Variants in XRCC4 observed in about 807,000 individuals in gnomAD.
XRCC4 encodes DNA repair protein XRCC4.
XRCC4 carries 28 observed loss-of-function variants against 39.1 expected under a neutral mutation model. That is an observed-to-expected ratio of 0.72 (90% CI 0.53 to 0.98). The LOEUF (loss-of-function observed/expected upper bound fraction) is 0.98, where lower values mean the gene tolerates loss of function less well. Ranked by LOEUF, XRCC4 falls within the 50% of genes least tolerant of loss-of-function variation. XRCC4 has a pLI of 0.00. For missense variants in XRCC4, 350 were observed against 376.4 expected, an observed-to-expected ratio of 0.93 and a Z score of 0.58; for synonymous variants, 123 against 126.4, an observed-to-expected ratio of 0.97 and a Z score of 0.18.
At chr5:83,357,297 T>C (rs1057236127), downstream of XRCC4, among the ~76,000 whole-genome samples, 1 of 152,132 alleles carries the variant, frequency 6.6e-6, no homozygotes. Context: ...ATGGAGTATA[T>C]GGGAGGGGAT....
chr5:83,125,481 C>A (rs1444843301), intron 3 of XRCC4, among the ~76,000 whole-genome samples: 3 of 152,188 alleles, frequency 2.0e-5, no homozygotes, highest in Non-Finnish European at 4.4e-5. Context: ...TTGAGGTTCA[C>A]TTTCTTGGCT....
At chr5:83,321,253 A>T (rs1342400916) in intron 7 of XRCC4, among the ~76,000 whole-genome samples, 1 of 152,214 alleles carries the variant, frequency 6.6e-6, no homozygotes, top group Non-Finnish European at 1.5e-5. Context: ...CCAAACTGGC[A>T]ATGTATGCAA....
Position 83,184,541 on chromosome 5 carries a change from C to T in XRCC4, c.316-11229C>T, listed in dbSNP as rs947112822. On this transcript the variant is annotated intron_variant, in intron 3 of 7. Transcript: ENST00000396027. ...TTTTTTTGGAGAATGTTATGAGAGA[C>T]CTAATTGTTCCTAAACAGGGAAAAC... is the stretch of plus-strand genomic sequence containing the variant. 8.6e-5 allele frequency among the ~76,000 whole-genome samples: 13 copies of T among 151,864 alleles called. No homozygotes were observed. In the South Asian group the frequency reaches 2.7e-3, roughly 32 times the overall value.
chr5:83,202,030 G>GA (rs1375605283), intron 4 of XRCC4: 2 of 124,832 alleles, frequency 1.6e-5, no homozygotes, highest in African/African-American at 6.1e-5. Context: ...CAACAACAGC[G>GA]AAAGTCTGTC....
chr5:83,153,358 A>G (rs1371241744), intron 3 of XRCC4, among the ~76,000 whole-genome samples: 4 of 151,962 alleles, frequency 2.6e-5, no homozygotes, highest in African/African-American at 9.7e-5. Context: ...ACAGGTGCCC[A>G]CCACAATGCC....
chr5:83,160,754 G>T (rs1005469373), intron 3 of XRCC4, among the ~76,000 whole-genome samples: 1 of 152,034 alleles, frequency 6.6e-6, no homozygotes, highest in Non-Finnish European at 1.5e-5. Context: ...TCTTTTGGTT[G>T]TTTGTAGACA....
At chr5:83,079,618 T>A (rs1744842589) in intron 1 of XRCC4, among the ~76,000 whole-genome samples, 1 of 152,092 alleles carries the variant, frequency 6.6e-6, no homozygotes, top group African/African-American at 2.4e-5. Context: ...AGCCTCAACC[T>A]CCAGGGCAGA....
intron 7 of XRCC4, among the ~76,000 whole-genome samples, chr5:83,282,843 AAAAAT>A (rs569310617): frequency 7.8e-4 from 119 of 152,186 alleles, no homozygotes; most frequent in African/African-American, 2.7e-3. Flanking sequence ...CTCCATCTCA[AAAAAT>A]AAAATAAAAT....
At chr5:83,131,157 C>G (rs1747556902) in intron 3 of XRCC4, among the ~76,000 whole-genome samples, 1 of 152,172 alleles carries the variant, frequency 6.6e-6, no homozygotes, top group African/African-American at 2.4e-5. Context: ...CCCAGAGATT[C>G]TGGTATGTTG....
intron 1 of XRCC4, among the ~76,000 whole-genome samples, chr5:83,085,830 T>C (rs924509057): frequency 6.6e-6 from 1 of 152,232 alleles, no homozygotes; most frequent in Non-Finnish European, 1.5e-5. Context: ...TGTCATTATC[T>C]GACAAGCATG....
At chr5:83,094,048 C>T (rs181147924) in intron 1 of XRCC4, among the ~76,000 whole-genome samples, 2 of 152,102 alleles carry the variant, frequency 1.3e-5, no homozygotes, top group Non-Finnish European at 1.5e-5. Flanking sequence ...TTTTCTTTCT[C>T]TTTAATTTTT....
chr5:83,240,026 T>C (rs1013030920), intron 6 of XRCC4, among the ~76,000 whole-genome samples: 1 of 151,536 alleles, frequency 6.6e-6, no homozygotes, highest in African/African-American at 2.4e-5. Flanking sequence ...AAAAACACTT[T>C]ACCTGAATGT....
chr5:83,323,185 A>C (rs2112138903), intron 7 of XRCC4, among the ~76,000 whole-genome samples: 1 of 152,224 alleles, frequency 6.6e-6, no homozygotes. Flanking sequence ...AACCAAAAAA[A>C]TATGGTGAGT....
At chr5:83,116,321 C>T (rs796501503) in intron 3 of XRCC4, among the ~76,000 whole-genome samples, 22 of 152,146 alleles carry the variant, frequency 1.4e-4, no homozygotes, top group South Asian at 1.0e-3. Context: ...GTTGCTCCTC[C>T]GTGACAAAGA....
At chr5:83,101,385 A>G (rs549828338) in intron 1 of XRCC4, among the ~76,000 whole-genome samples, 83 of 152,252 alleles carry the variant, frequency 5.5e-4, no homozygotes, top group Middle Eastern at 3.4e-3. Flanking sequence ...GTCATTTTAC[A>G]GTCTGATAAA....
At chr5:83,310,752 G>A in intron 7 of XRCC4, 1 of 456,448 alleles carries the variant, frequency 2.2e-6, no homozygotes, top group South Asian at 1.5e-5. Context: ...GGATTATCTG[G>A]ATGAACCCTA....
At chr5:83,253,496 TTG>T (rs60610512) in intron 6 of XRCC4, among the ~76,000 whole-genome samples, 30,583 of 149,482 alleles carry the variant, frequency 0.2, 7,057 homozygotes, top group African/African-American at 0.57. Context: ...GGGTGTATGT[TTG>T]TGTGTGTGTG....
intron 3 of XRCC4, among the ~76,000 whole-genome samples, chr5:83,152,920 TTTTG>T (rs1748782733): frequency 2.6e-5 from 4 of 152,118 alleles, no homozygotes. Flanking sequence ...ATGCATTCAT[TTTTG>T]TTTGTGTATG....
intron 3 of XRCC4, among the ~76,000 whole-genome samples, chr5:83,194,928 C>T (rs1169177404): frequency 2.6e-5 from 4 of 152,048 alleles, no homozygotes; most frequent in African/African-American, 4.8e-5. Context: ...GAAGATTTAT[C>T]CTAGTTTATA....
Sources: gnomAD v4.1 joint callset for allele counts (sites outside exome capture counted in the v4.1 genomes callset) on GRCh38, gnomAD v4.1.1 for gene constraint, MANE v1.5 for transcripts, NCBI Gene and HGNC (gene_info 2026-07-23, HGNC 2026-07-21) for gene names.